AMDHD1: variants seen among roughly 807,000 people sequenced by gnomAD.
AMDHD1 encodes the protein probable imidazolonepropionase.
Under a neutral mutation model 44.1 loss-of-function variants are expected in AMDHD1, and 45 were observed. That is an observed-to-expected ratio of 1.02 (90% CI 0.80 to 1.31). The LOEUF (loss-of-function observed/expected upper bound fraction) is 1.31. Ranked by LOEUF, AMDHD1 falls within the 50% of genes most tolerant of loss-of-function variation. The probability of loss-of-function intolerance (pLI) is 0.00; values close to 1 mark genes in which losing one functional copy is unlikely to be tolerated. For synonymous variants in AMDHD1, 206 were observed against 205.0 expected (o/e 1.00, Z -0.04); for missense variants, 586 against 552.1 (o/e 1.06, Z -0.61).
At chr12:95,953,109 A>G (rs1016948831) in intron 2 of AMDHD1, among the ~76,000 whole-genome samples, 4 of 152,200 alleles carry the variant, frequency 2.6e-5, no homozygotes, top group African/African-American at 9.7e-5. Context: ...CTAAACAGGA[A>G]ACAGACAACC....
chr12:95,957,858 A>G (rs1244132920), intron 4 of AMDHD1, among the ~76,000 whole-genome samples: 2 of 152,052 alleles, frequency 1.3e-5, no homozygotes, highest in Non-Finnish European at 2.9e-5. Context: ...TTTGAGACCA[A>G]CCTGGCCAAC....
chr12:95,953,141 C>T (rs537300762), intron 2 of AMDHD1, among the ~76,000 whole-genome samples: 2 of 152,308 alleles, frequency 1.3e-5, no homozygotes, highest in South Asian at 2.1e-4. Flanking sequence ...CCCATTCATT[C>T]GACTCCACTT....
chr12:95,954,547 G>A (rs376484932), intron 2 of AMDHD1, among the ~76,000 whole-genome samples: 5 of 145,518 alleles, frequency 3.4e-5, no homozygotes, highest in South Asian at 4.4e-4. Context: ...CAGCCTGGGC[G>A]ACAGAGTGAG....
intron 4 of AMDHD1, 114 bp downstream of exon 4, chr12:95,957,076 A>G (rs745937832): frequency 2.4e-5 from 34 of 1,442,108 alleles, no homozygotes; most frequent in South Asian, 9.1e-5. Flanking sequence ...AAGTCTTTGG[A>G]AAGACCTGAT....
At chr12:95,957,026 A>T in intron 4 of AMDHD1, 64 bp downstream of exon 4, 2 of 1,589,510 alleles carry the variant, frequency 1.3e-6, no homozygotes, top group Non-Finnish European at 8.6e-7. Flanking sequence ...CCGGGGGTGG[A>T]GGCGCATTAG....
intron 1 of AMDHD1, among the ~76,000 whole-genome samples, chr12:95,944,331 A>T (rs769654427): frequency 1.9e-4 from 15 of 78,782 alleles, no homozygotes; most frequent in Non-Finnish European, 4.9e-4. Context: ...GTTTAATTTT[A>T]TTTATTTATT....
At chr12:95,963,594 T>A (rs1176153539) in intron 6 of AMDHD1, among the ~76,000 whole-genome samples, 1 of 152,230 alleles carries the variant, frequency 6.6e-6, no homozygotes, top group African/African-American at 2.4e-5. Context: ...CAATGTAGAC[T>A]ATAATCAGGA....
At chr12:95,951,496 G>A (rs1400896838) in intron 1 of AMDHD1, among the ~76,000 whole-genome samples, 1 of 152,090 alleles carries the variant, frequency 6.6e-6, no homozygotes, top group Non-Finnish European at 1.5e-5. Flanking sequence ...TTTGTGGGTG[G>A]GCACTTAGTG....
intron 4 of AMDHD1, among the ~76,000 whole-genome samples, chr12:95,958,364 T>C (rs2080563220): frequency 6.6e-6 from 1 of 152,204 alleles, no homozygotes; most frequent in Non-Finnish European, 1.5e-5. Context: ...AAATTTATTA[T>C]TCAAAATTAA....
At chr12:95,943,576 G>A in intron 1 of AMDHD1, 41 bp downstream of exon 1, 3 of 1,405,088 alleles carry the variant, frequency 2.1e-6, no homozygotes, top group Non-Finnish European at 2.8e-6. Context: ...GCCACGGGCG[G>A]AGCTGGCCGC....
At chr12:95,948,404 A>T in intron 1 of AMDHD1, among the ~76,000 whole-genome samples, 1 of 52,764 alleles carries the variant, frequency 1.9e-5, no homozygotes, top group Admixed American at 1.9e-4. Flanking sequence ...CCCGTCCGGG[A>T]GGTGAGGGGC....
At chr12:95,945,365 C>G (rs1311282921) in intron 1 of AMDHD1, among the ~76,000 whole-genome samples, 2 of 152,148 alleles carry the variant, frequency 1.3e-5, no homozygotes, top group Non-Finnish European at 2.9e-5. Flanking sequence ...ATATTGAGAA[C>G]TTTGCCATTC....
intron 2 of AMDHD1, among the ~76,000 whole-genome samples, chr12:95,953,915 C>T (rs2080537045): frequency 6.6e-6 from 1 of 152,008 alleles, no homozygotes. Context: ...GAGACAAAGT[C>T]AGGGTGAAAT....
intron 1 of AMDHD1, among the ~76,000 whole-genome samples, chr12:95,946,022 G>T (rs933055657): frequency 6.6e-6 from 1 of 151,182 alleles, no homozygotes; most frequent in Admixed American, 6.6e-5. Flanking sequence ...GTCTCTAAAG[G>T]TATCTCATTC....
chr12:95,967,417 G>A (rs2080617034), intron 8 of AMDHD1, among the ~76,000 whole-genome samples: 1 of 152,174 alleles, frequency 6.6e-6, no homozygotes, highest in Non-Finnish European at 1.5e-5. Context: ...GCCCATTGCA[G>A]CCCTTGGACC....
chr12:95,964,953 A>AAAAAAAAAAAG (rs2080602064), intron 6 of AMDHD1, among the ~76,000 whole-genome samples: 2 of 142,866 alleles, frequency 1.4e-5, no homozygotes, highest in Non-Finnish European at 3.0e-5. Context: ...AAAAAAAAAG[A>AAAAAAAAAAAG]GGGCAAAGGG....
chr12:95,951,006 C>A (rs983831926), intron 1 of AMDHD1, among the ~76,000 whole-genome samples: 1 of 152,094 alleles, frequency 6.6e-6, no homozygotes, highest in Non-Finnish European at 1.5e-5. Flanking sequence ...TTTAAACAGT[C>A]GTACAATGTG....
Position 95,962,139 on chromosome 12 carries a change from G to A in AMDHD1, c.814-216G>A, listed in dbSNP as rs555615695. Among the ~76,000 whole-genome samples the A allele has an allele frequency of 3.9e-5, 6 of 152,300 alleles. No individual in the cohort carries two copies. In the South Asian group the frequency reaches 6.2e-4, roughly 16 times the overall value. ...AAGTTAGCTGGGCATGGTGGCACAC[G>A]CCTGTGGCCCTAGCTGCTCGGGAGG... On this transcript the variant is annotated intron_variant, in intron 5 of 8. Transcript: ENST00000266736.
intron 5 of AMDHD1, among the ~76,000 whole-genome samples, chr12:95,961,524 G>A (rs985557093): frequency 6.6e-6 from 1 of 152,142 alleles, no homozygotes; most frequent in Non-Finnish European, 1.5e-5. Context: ...AGCCCTTGGG[G>A]CATAAATACA....
Sources: gnomAD v4.1 joint callset for allele counts (sites outside exome capture counted in the v4.1 genomes callset) on GRCh38, gnomAD v4.1.1 for gene constraint, MANE v1.5 for transcripts, NCBI Gene and HGNC (gene_info 2026-07-23, HGNC 2026-07-21) for gene names.